The following LRRC4C variants were observed in gnomAD, a reference collection of about 807,000 sequenced individuals.
LRRC4C encodes the protein leucine-rich repeat-containing protein 4C.
A neutral mutation model predicts 33.6 loss-of-function variants in LRRC4C; 5 were observed. The observed-to-expected ratio is 0.15, with a 90% CI of 0.08 to 0.31. The LOEUF is 0.31. Ranked by LOEUF, LRRC4C falls within the 10% of genes least tolerant of loss-of-function variation. LRRC4C has a pLI of 1.00. For synonymous variants in LRRC4C, 329 were observed against 302.0 expected (o/e 1.09, Z -0.93); for missense variants, 560 against 796.7 (o/e 0.70, Z 3.58).
chr11:40,223,766 C>T (rs905338520), intron 5 of LRRC4C, among the ~76,000 whole-genome samples: 37 of 152,170 alleles, frequency 2.4e-4, no homozygotes, highest in African/African-American at 8.9e-4. Flanking sequence ...TTATTTGCAG[C>T]GTCTTTGGGG....
chr11:40,438,212 T>C (rs535448463), intron 3 of LRRC4C, among the ~76,000 whole-genome samples: 1 of 152,356 alleles, frequency 6.6e-6, no homozygotes, highest in Admixed American at 6.5e-5. Context: ...CTTTGCCTGA[T>C]ATATGCTTCC....
chr11:41,226,475 T>C (rs1439963451), intron 1 of LRRC4C, among the ~76,000 whole-genome samples: 1 of 152,136 alleles, frequency 6.6e-6, no homozygotes, highest in Non-Finnish European at 1.5e-5. Context: ...AATCTGAAGC[T>C]AAGAGACGTA....
intron 1 of LRRC4C, among the ~76,000 whole-genome samples, chr11:41,308,602 C>T (rs142284641): frequency 1.3e-5 from 2 of 152,248 alleles, no homozygotes; most frequent in Non-Finnish European, 2.9e-5. Flanking sequence ...CACAGGTATT[C>T]AAAGCGAAGA....
At position 41,373,830 on chromosome 11, in the gene LRRC4C, A is replaced by G. The variant is rs145505702; in HGVS notation, c.-496+85601T>C. 2.2e-3 allele frequency among the ~76,000 whole-genome samples: 333 copies of G among 152,326 alleles called. 1 individual carries two copies. Among genetic ancestry groups the G allele is most frequent in the Non-Finnish European group, 3.9e-3 (268 of 68,012 alleles). On this transcript the variant is annotated intron_variant, in intron 1 of 6. Transcript: ENST00000528697. ...AAGCAAAGAAATAGAATTTTCAATA[A>G]AAGTATAAACATATTTGTACTTAAT...
intron 3 of LRRC4C, among the ~76,000 whole-genome samples, chr11:40,552,163 T>C (rs1055824224): frequency 2.6e-5 from 4 of 152,218 alleles, no homozygotes; most frequent in African/African-American, 9.7e-5. Context: ...TTTCTTAAAA[T>C]GACTATCTGT....
At chr11:41,138,687 T>A (rs1477150403) in intron 1 of LRRC4C, among the ~76,000 whole-genome samples, 1 of 152,138 alleles carries the variant, frequency 6.6e-6, no homozygotes, top group African/African-American at 2.4e-5. Context: ...GATGTCAGCT[T>A]TTATGATGGT....
intron 1 of LRRC4C, among the ~76,000 whole-genome samples, chr11:41,118,324 A>G (rs1219188659): frequency 6.6e-6 from 1 of 152,088 alleles, no homozygotes; most frequent in Non-Finnish European, 1.5e-5. Flanking sequence ...CAGCCCCCAA[A>G]AGTTGTCAGA....
chr11:40,201,802 T>C (rs1333623064), intron 5 of LRRC4C, among the ~76,000 whole-genome samples: 1 of 152,096 alleles, frequency 6.6e-6, no homozygotes, highest in African/African-American at 2.4e-5. Flanking sequence ...AGAAGTAAAC[T>C]TAGGCTGGAA....
chr11:40,495,194 C>T (rs1954366172), intron 3 of LRRC4C, among the ~76,000 whole-genome samples: 1 of 152,040 alleles, frequency 6.6e-6, no homozygotes, highest in Non-Finnish European at 1.5e-5. Flanking sequence ...TGTGCTGTTG[C>T]AAGTATTTAT....
chr11:41,338,988 T>A (rs930719651), intron 1 of LRRC4C, among the ~76,000 whole-genome samples: 6 of 151,994 alleles, frequency 3.9e-5, no homozygotes, highest in East Asian at 3.9e-4. Flanking sequence ...ACTAAAAGAG[T>A]AACACATAGA....
intron 1 of LRRC4C, among the ~76,000 whole-genome samples, chr11:40,954,081 AAGAC>A (rs1278446734): frequency 1.3e-5 from 2 of 151,872 alleles, no homozygotes; most frequent in African/African-American, 2.4e-5. Flanking sequence ...ATCAGGGCAA[AAGAC>A]AGACAGCCTC....
At chr11:40,481,980 T>C (rs549104968) in intron 3 of LRRC4C, among the ~76,000 whole-genome samples, 9 of 152,284 alleles carry the variant, frequency 5.9e-5, no homozygotes, top group African/African-American at 2.2e-4. Context: ...GAACATGAGG[T>C]TAAATATATT....
At chr11:40,733,234 C>T (rs1564989635) in intron 2 of LRRC4C, among the ~76,000 whole-genome samples, 1 of 151,570 alleles carries the variant, frequency 6.6e-6, no homozygotes. Flanking sequence ...TGCCACCACA[C>T]CCGGCTAATT....
intron 1 of LRRC4C, among the ~76,000 whole-genome samples, chr11:40,975,185 A>C (rs1451389314): frequency 6.6e-6 from 1 of 152,192 alleles, no homozygotes; most frequent in Non-Finnish European, 1.5e-5. Flanking sequence ...AGATAGCATT[A>C]TTTTCATTAA....
At chr11:41,431,900 T>C (rs1206229712) in intron 1 of LRRC4C, among the ~76,000 whole-genome samples, 1 of 152,180 alleles carries the variant, frequency 6.6e-6, no homozygotes, top group Non-Finnish European at 1.5e-5. Context: ...CCATGCGCTC[T>C]GATTTTGTCC....
At chr11:41,115,616 G>A (rs1382439783) in intron 1 of LRRC4C, among the ~76,000 whole-genome samples, 1 of 152,004 alleles carries the variant, frequency 6.6e-6, no homozygotes, top group Non-Finnish European at 1.5e-5. Context: ...AAACACTTGT[G>A]AGTTTCAGAT....
intron 2 of LRRC4C, among the ~76,000 whole-genome samples, chr11:40,775,205 T>C (rs1001517666): frequency 2.0e-5 from 3 of 151,898 alleles, no homozygotes; most frequent in Admixed American, 2.0e-4. Flanking sequence ...GGTCAGGAGA[T>C]CGAGACCATC....
chr11:40,875,447 T>C (rs1182542023), intron 2 of LRRC4C, among the ~76,000 whole-genome samples: 3 of 152,188 alleles, frequency 2.0e-5, no homozygotes, highest in African/African-American at 7.2e-5. Flanking sequence ...GGGCGTTACA[T>C]GCACTGATTT....
At chr11:40,304,420 T>C (rs964737867) in intron 4 of LRRC4C, among the ~76,000 whole-genome samples, 7 of 152,342 alleles carry the variant, frequency 4.6e-5, no homozygotes, top group Admixed American at 3.9e-4. Flanking sequence ...CACCCACTGA[T>C]TGACTGAAGT....
Sources: allele counts gnomAD v4.1 joint callset (sites outside exome capture counted in the v4.1 genomes callset), GRCh38; gene constraint gnomAD v4.1.1; transcripts MANE v1.5; gene names NCBI Gene and HGNC (gene_info 2026-07-23, HGNC 2026-07-21).